The following CCSER1 variants were observed in gnomAD, a reference collection of about 807,000 sequenced individuals.
CCSER1 encodes serine-rich coiled-coil domain-containing protein 1.
CCSER1 carries 41 observed loss-of-function variants against 82.0 expected under a neutral mutation model. The observed-to-expected ratio is 0.50, with a 90% CI of 0.39 to 0.65. CCSER1 has a LOEUF of 0.65. Ranked by LOEUF, CCSER1 falls within the 30% of genes least tolerant of loss-of-function variation. The pLI is 0.00. For synonymous variants in CCSER1, 414 were observed against 383.9 expected (o/e 1.08, Z -0.92); for missense variants, 1,119 against 1,064.2 (o/e 1.05, Z -0.72).
chr4:90,850,702 T>A (rs1465656802), intron 8 of CCSER1, among the ~76,000 whole-genome samples: 2 of 152,256 alleles, frequency 1.3e-5, no homozygotes. Flanking sequence ...GTAACTAATA[T>A]GCCTTTGATT....
chr4:91,427,924 C>T (rs1578426584), intron 10 of CCSER1, among the ~76,000 whole-genome samples: 1 of 8,830 alleles, frequency 1.1e-4, no homozygotes, highest in South Asian at 9.1e-3. Flanking sequence ...CATGCTTAGT[C>T]CAGGGATATA....
intron 10 of CCSER1, among the ~76,000 whole-genome samples, chr4:91,127,583 T>C (rs560872688): frequency 6.6e-6 from 1 of 152,218 alleles, no homozygotes; most frequent in African/African-American, 2.4e-5. Context: ...TACTACCTTT[T>C]ATGCTTGTTG....
chr4:91,039,412 G>T (rs1357505402), intron 9 of CCSER1, among the ~76,000 whole-genome samples: 1 of 151,938 alleles, frequency 6.6e-6, no homozygotes, highest in Non-Finnish European at 1.5e-5. Flanking sequence ...ATACAACATT[G>T]TGTTTTTTTT....
At chr4:91,523,298 G>T (rs540331496) in intron 10 of CCSER1, among the ~76,000 whole-genome samples, 1 of 152,090 alleles carries the variant, frequency 6.6e-6, no homozygotes, top group African/African-American at 2.4e-5. Context: ...GAGGATTTTC[G>T]CATTGATGTT....
At chr4:90,398,474 T>G (rs1282873341) in intron 3 of CCSER1, among the ~76,000 whole-genome samples, 2 of 152,236 alleles carry the variant, frequency 1.3e-5, no homozygotes, top group Non-Finnish European at 2.9e-5. Context: ...AGTCTCTCAT[T>G]TGGATAGTGT....
intron 5 of CCSER1, among the ~76,000 whole-genome samples, chr4:90,517,821 C>T (rs534392540): frequency 1.0e-3 from 159 of 152,130 alleles, no homozygotes; most frequent in African/African-American, 3.7e-3. Flanking sequence ...TATAATAATT[C>T]TGTGAGGTGG....
intron 3 of CCSER1, among the ~76,000 whole-genome samples, chr4:90,385,599 A>G (rs1749911062): frequency 6.6e-6 from 1 of 151,556 alleles, no homozygotes; most frequent in Non-Finnish European, 1.5e-5. Flanking sequence ...AGCTAGGACT[A>G]CAGGCGCTCA....
intron 10 of CCSER1, among the ~76,000 whole-genome samples, chr4:91,252,805 C>A (rs1036788124): frequency 1.3e-5 from 2 of 151,934 alleles, no homozygotes; most frequent in African/African-American, 4.8e-5. Flanking sequence ...TGAGAAATTT[C>A]TTTCTCATTT....
At chr4:90,266,873 A>G (rs570699703) in intron 1 of CCSER1, among the ~76,000 whole-genome samples, 2 of 152,128 alleles carry the variant, frequency 1.3e-5, no homozygotes, top group South Asian at 4.2e-4. Context: ...TACAAATCCT[A>G]GGCAAGTCTT....
At chr4:91,142,655 C>T (rs777523856) in intron 10 of CCSER1, among the ~76,000 whole-genome samples, 3 of 152,036 alleles carry the variant, frequency 2.0e-5, no homozygotes, top group Non-Finnish European at 2.9e-5. Flanking sequence ...TACAAGTATA[C>T]GAGAATTGAA....
intron 9 of CCSER1, among the ~76,000 whole-genome samples, chr4:90,959,259 G>C (rs766582220): frequency 6.6e-6 from 1 of 152,250 alleles, no homozygotes; most frequent in South Asian, 2.1e-4. Context: ...AGTATTCTTT[G>C]CCTATTTCCA....
At chr4:90,454,228 G>GTTT (rs576058533) in intron 4 of CCSER1, among the ~76,000 whole-genome samples, 12 of 128,828 alleles carry the variant, frequency 9.3e-5, no homozygotes, top group South Asian at 5.2e-4. Context: ...TTTGTTTCAT[G>GTTT]TTTTTTTTTT....
intron 4 of CCSER1, among the ~76,000 whole-genome samples, chr4:90,439,262 C>T (rs546458604): frequency 2.6e-4 from 39 of 151,942 alleles, no homozygotes; most frequent in African/African-American, 9.4e-4. Context: ...CACTCTAGCC[C>T]GTGTGACAGA....
At chr4:90,785,025 G>T (rs976786482) in intron 7 of CCSER1, among the ~76,000 whole-genome samples, 3 of 122,966 alleles carry the variant, frequency 2.4e-5, no homozygotes, top group Non-Finnish European at 5.5e-5. Flanking sequence ...AGAGGCAGAA[G>T]AATATTCACT....
At chr4:90,307,136 G>T (rs1433695672) in intron 1 of CCSER1, among the ~76,000 whole-genome samples, 2 of 152,094 alleles carry the variant, frequency 1.3e-5, no homozygotes, top group Admixed American at 6.6e-5. Flanking sequence ...CTTATTTCTA[G>T]AAATATAAGG....
chr4:91,186,646 C>G (rs777586748), intron 10 of CCSER1, among the ~76,000 whole-genome samples: 3 of 152,160 alleles, frequency 2.0e-5, no homozygotes, highest in Non-Finnish European at 4.4e-5. Context: ...GAGCCCCAAA[C>G]AGAGATTTAC....
At chr4:91,107,797 G>A (rs1725769361) in intron 10 of CCSER1, among the ~76,000 whole-genome samples, 4 of 152,058 alleles carry the variant, frequency 2.6e-5, no homozygotes, top group Admixed American at 2.6e-4. Context: ...ACTGTGGTTA[G>A]GGAAGTTATG....
At chr4:91,469,816 TA>T (rs1270936263) in intron 10 of CCSER1, among the ~76,000 whole-genome samples, 1 of 152,210 alleles carries the variant, frequency 6.6e-6, no homozygotes, top group African/African-American at 2.4e-5. Context: ...TTTTGGAAGA[TA>T]ATTAATAGTG....
intron 10 of CCSER1, among the ~76,000 whole-genome samples, chr4:91,135,531 A>T (rs1728383136): frequency 6.6e-6 from 1 of 152,232 alleles, no homozygotes. Flanking sequence ...GATTTATTGC[A>T]GTATGGCAGA....
Sources: gnomAD v4.1 joint callset for allele counts (sites outside exome capture counted in the v4.1 genomes callset) on GRCh38, gnomAD v4.1.1 for gene constraint, MANE v1.5 for transcripts, NCBI Gene and HGNC (gene_info 2026-07-23, HGNC 2026-07-21) for gene names.